HHIP: variants seen among roughly 807,000 people sequenced by gnomAD.
HHIP encodes the protein hedgehog interacting protein, also known as hedgehog-interacting protein.
A neutral mutation model predicts 74.0 loss-of-function variants in HHIP; 12 were observed. The observed-to-expected ratio is 0.16, with a 90% CI of 0.10 to 0.26. The LOEUF (loss-of-function observed/expected upper bound fraction) is 0.26, where lower values mean the gene tolerates loss of function less well. Ranked by LOEUF, HHIP falls within the 10% of genes least tolerant of loss-of-function variation. HHIP has a pLI of 1.00. For synonymous variants in HHIP, 309 were observed against 311.6 expected, an observed-to-expected ratio of 0.99 and a Z score of 0.09; for missense variants, 788 against 845.0, an observed-to-expected ratio of 0.93 and a Z score of 0.84.
In HHIP at chr4:144,744,288, T is replaced by C. The variant is rs1359037044; in HGVS notation, c.*6331T>C. The C allele has an allele frequency of 1.3e-5, 2 of 152,206 alleles. No individual in the cohort carries two copies. The highest frequency in any genetic ancestry group is 6.5e-5 in the Admixed American group (1 of 15,276). 9.4% of individuals were successfully genotyped at this position (152,206 alleles called of 1,614,324 possible). A position where few individuals can be genotyped will look rare whatever the true frequency, so the allele number is the denominator to read the frequency against. ...ACAATACTTAAATGAGAATTCTGTGTCTTTTTTGGTTTTATCTGTGATTTA... is the reference window on the plus strand; with the variant it reads ...ACAATACTTAAATGAGAATTCTGTGCCTTTTTTGGTTTTATCTGTGATTTA... On this transcript the variant is annotated 3_prime_UTR_variant, in exon 13 of 13. Coordinates refer to ENST00000296575, the MANE Select transcript of HHIP (RefSeq NM_022475.3).
intron 4 of HHIP, among the ~76,000 whole-genome samples, chr4:144,665,324 C>T (rs1275968832): frequency 6.6e-6 from 1 of 152,184 alleles, no homozygotes; most frequent in Non-Finnish European, 1.5e-5. Flanking sequence ...CTGCCTCAGC[C>T]TCCCAAAGTG....
At chr4:144,671,279 T>C (rs964335784) in intron 4 of HHIP, among the ~76,000 whole-genome samples, 3 of 151,860 alleles carry the variant, frequency 2.0e-5, no homozygotes, top group Non-Finnish European at 4.4e-5. Context: ...AATTCCTTAA[T>C]TGCAACCTAC....
intron 11 of HHIP, among the ~76,000 whole-genome samples, chr4:144,730,620 G>A (rs1020107274): frequency 5.3e-5 from 8 of 152,068 alleles, no homozygotes; most frequent in Admixed American, 5.2e-4. Flanking sequence ...GTAAGAAAAT[G>A]GGTTAATGCA....
chr4:144,724,090 A>G (rs1473085120), intron 11 of HHIP, among the ~76,000 whole-genome samples: 5 of 152,198 alleles, frequency 3.3e-5, no homozygotes, highest in African/African-American at 1.2e-4. Context: ...TCAAAGTTGA[A>G]ACTTCTAATG....
intron 11 of HHIP, among the ~76,000 whole-genome samples, chr4:144,723,309 G>C (rs1730690227): frequency 6.6e-6 from 1 of 152,042 alleles, no homozygotes; most frequent in South Asian, 2.1e-4. Flanking sequence ...AATCTCCTCT[G>C]TGACCAATAT....
chr4:144,728,777 TG>T (rs1239986460), intron 11 of HHIP, among the ~76,000 whole-genome samples: 2 of 152,184 alleles, frequency 1.3e-5, no homozygotes, highest in African/African-American at 4.8e-5. Context: ...CAATATTACA[TG>T]GTTACACAGG....
In HHIP at chr4:144,737,948, C is replaced by G; in HGVS notation, c.2094C>G (p.Tyr698Ter). The change falls in exon 13 of 13, where the codon TAC becomes TAG. Residue 698 changes from tyrosine (Y) to a stop codon, truncating the protein, a stop_gained. Transcript: ENST00000296575. LOFTEE classifies it high-confidence loss of function. ...CTTACTTGCTGGATCTAACAAGTTACATTGTATAGTTTCTGGGACTGTTTG... is the reference window on the plus strand; with the variant it reads ...CTTACTTGCTGGATCTAACAAGTTAGATTGTATAGTTTCTGGGACTGTTTG... Reference protein sequence around the residue: ...MTSYLLDLTSYIV With the variant: ...MTSYLLDLTS The G allele has an allele frequency of 6.2e-7, 1 of 1,600,970 alleles. No homozygotes were observed. The highest frequency in any genetic ancestry group is 8.5e-7 in the Non-Finnish European group (1 of 1,173,698).
chr4:144,727,605 G>A (rs1481766967), intron 11 of HHIP, among the ~76,000 whole-genome samples: 2 of 152,072 alleles, frequency 1.3e-5, no homozygotes, highest in African/African-American at 4.8e-5. Context: ...TGATAAAACT[G>A]GACCTTGTCT....
Position 144,706,590 on chromosome 4 carries a change from A to G in HHIP, c.891A>G (p.Gly297=). The change falls in exon 5 of 13, where the codon GGA becomes GGG. Residue 297 remains glycine (G), a synonymous_variant. Coordinates refer to ENST00000296575, the MANE Select transcript of HHIP (RefSeq NM_022475.3). ...TCCATCCCAATTACAAGAAAAATGG[A>G]AAGTTGTATGTGTCCTATACCACCA... ...LAFHPNYKKN[G]KLYVSYTTNQ... The G allele has an allele frequency of 6.2e-7, 1 of 1,613,374 alleles. No homozygotes were observed. Among genetic ancestry groups the G allele is most frequent in the East Asian group, 2.2e-5 (1 of 44,814 alleles).
Position 144,714,226 on chromosome 4 carries a change from A to C in HHIP, c.1425A>C (p.Glu475Asp). 6.2e-7 allele frequency: 1 copy of C among 1,612,410 alleles called. No individual in the cohort carries two copies. The highest frequency in any genetic ancestry group is 2.2e-5 in the East Asian group (1 of 44,840). Residue 475 changes from glutamate (E) to aspartate (D), a missense_variant and splice_region_variant, in exon 9 of 13, where the codon GAA (glutamate) becomes GAC (aspartate). Glu to Asp is a conservative substitution (Grantham distance 45). Coordinates refer to ENST00000296575, the MANE Select transcript of HHIP (RefSeq NM_022475.3). ...ATCTAATGCTATGTTTCTTTCCAGA[A>C]AGTGAGCCATCACTTTTAGAATTCA... ...ILQIIKGKDY[E>D]SEPSLLEFKP...
rs563794622 is a variant in HHIP, at chr4:144,738,883, C to T, written c.*926C>T. 7 of 166,114 alleles carry T rather than the reference C, an allele frequency of 4.2e-5. No individual in the cohort carries two copies. The highest frequency in any genetic ancestry group is 2.0e-4 in the South Asian group (1 of 5,070). The allele number at this position is 166,114 out of a possible 1,614,324, so 10.3% of individuals were successfully genotyped here. On this transcript the variant is annotated 3_prime_UTR_variant, in exon 13 of 13. Coordinates refer to ENST00000296575, the MANE Select transcript of HHIP (RefSeq NM_022475.3). ...TGTGCCAACATGTAATCATTAACGA[C>T]GGATGAAAAAGCAAGAAAACAGCCA...
chr4:144,736,136 C>CTTTTTTTTT (rs36088965), intron 12 of HHIP, among the ~76,000 whole-genome samples: 1 of 128,272 alleles, frequency 7.8e-6, no homozygotes. Flanking sequence ...TTTTCTGCAT[C>CTTTTTTTTT]TTTTTTTTTT....
chr4:144,660,547 A>T (rs1256986890), intron 4 of HHIP, among the ~76,000 whole-genome samples: 1 of 152,072 alleles, frequency 6.6e-6, no homozygotes, highest in Non-Finnish European at 1.5e-5. Context: ...TAACAATATG[A>T]TTTGGGAAGA....
Position 144,744,030 on chromosome 4 carries a change from T to C in HHIP, c.*6073T>C, listed in dbSNP as rs1736978540. 1 of 152,154 alleles carries C rather than the reference T, an allele frequency of 6.6e-6. No individual in the cohort carries two copies. Among genetic ancestry groups the C allele is most frequent in the African/African-American group, 2.4e-5 (1 of 41,454 alleles). The allele number at this position is 152,154 out of a possible 1,614,324, so 9.4% of individuals were successfully genotyped here. Reference sequence around the variant, plus strand: ...ACTGTTATGAAGAAACCAAGTTGACTACCTTATGAGAGATCAGATATTTCC... The same window carrying C: ...ACTGTTATGAAGAAACCAAGTTGACCACCTTATGAGAGATCAGATATTTCC... On this transcript the variant is annotated 3_prime_UTR_variant, in exon 13 of 13. Transcript: ENST00000296575.
At chr4:144,693,703 A>G (rs1194831568) in intron 4 of HHIP, among the ~76,000 whole-genome samples, 1 of 152,004 alleles carries the variant, frequency 6.6e-6, no homozygotes, top group African/African-American at 2.4e-5. Flanking sequence ...TTAGATATGT[A>G]TAATGTATAG....
chr4:144,737,007 A>T (rs907896331), intron 12 of HHIP, among the ~76,000 whole-genome samples: 1 of 152,202 alleles, frequency 6.6e-6, no homozygotes, highest in Non-Finnish European at 1.5e-5. Flanking sequence ...TACTCCCCAG[A>T]TTTAATCAGA....
chr4:144,697,913 C>A (rs1729865423), intron 4 of HHIP, among the ~76,000 whole-genome samples: 1 of 152,014 alleles, frequency 6.6e-6, no homozygotes, highest in Non-Finnish European at 1.5e-5. Context: ...GTAACTTAAA[C>A]CTAGTATTAC....
chr4:144,662,033 C>A (rs1728728642), intron 4 of HHIP, among the ~76,000 whole-genome samples: 2 of 152,172 alleles, frequency 1.3e-5, no homozygotes, highest in Admixed American at 1.3e-4. Context: ...AGAACCCCTT[C>A]ACAATTACAT....
At chr4:144,716,682 T>C (rs1010494507) in intron 10 of HHIP, among the ~76,000 whole-genome samples, 1 of 151,498 alleles carries the variant, frequency 6.6e-6, no homozygotes, top group Non-Finnish European at 1.5e-5. Context: ...GCTCTGTCTC[T>C]ACAAAAACTA....
Sources: allele counts gnomAD v4.1 joint callset (sites outside exome capture counted in the v4.1 genomes callset), GRCh38; gene constraint gnomAD v4.1.1; transcripts MANE v1.5; gene names NCBI Gene and HGNC (gene_info 2026-07-23, HGNC 2026-07-21).